ZNF248: variants seen among roughly 807,000 people sequenced by gnomAD.
The protein encoded by ZNF248 is zinc finger protein 248, also known as KRAB protein domain.
A neutral mutation model predicts 44.3 loss-of-function variants in ZNF248; 20 were observed. The ratio of observed to expected loss-of-function variants is 0.45; its 90% CI spans 0.32 to 0.66. ZNF248 has a LOEUF of 0.66. Ranked by LOEUF, ZNF248 falls within the 30% of genes least tolerant of loss-of-function variation. The pLI is 0.04. For synonymous variants in ZNF248, 224 were observed against 229.0 expected, an observed-to-expected ratio of 0.98 and a Z score of 0.20; for missense variants, 654 against 677.0, an observed-to-expected ratio of 0.97 and a Z score of 0.38.
chr10:37,807,048 G>C (rs898674236), intron 6 of ZNF248, among the ~76,000 whole-genome samples: 2 of 151,656 alleles, frequency 1.3e-5, no homozygotes, highest in Non-Finnish European at 2.9e-5. Flanking sequence ...CAGTGGCCCG[G>C]TCTCTGCTCA....
the ZNF248 span, among the ~76,000 whole-genome samples, chr10:37,771,130 T>C: frequency 4.9e-4 from 75 of 152,190 alleles, no homozygotes; most frequent in Non-Finnish European, 8.5e-4. Context: ...CAACAGGTGC[T>C]GGAGAAGATG....
intron 3 of ZNF248, among the ~76,000 whole-genome samples, chr10:37,839,220 C>T (rs1490333509): frequency 6.6e-6 from 1 of 152,150 alleles, no homozygotes; most frequent in Non-Finnish European, 1.5e-5. Flanking sequence ...ATTTTACGTG[C>T]GTTGTCACAT....
intron 6 of ZNF248, among the ~76,000 whole-genome samples, chr10:37,785,897 G>T (rs1589050882): frequency 6.6e-6 from 1 of 152,212 alleles, no homozygotes; most frequent in African/African-American, 2.4e-5. Context: ...AAAGAAGAAG[G>T]GGGTTGGATA....
the ZNF248 span, among the ~76,000 whole-genome samples, chr10:37,762,930 G>A: frequency 6.6e-6 from 1 of 152,118 alleles, no homozygotes; most frequent in Non-Finnish European, 1.5e-5. Flanking sequence ...CATTTTTCAT[G>A]TAAATAATTA....
Position 37,832,393 on chromosome 10 carries a change from C to T in ZNF248, c.962G>A (p.Arg321Lys). The T allele has an allele frequency of 7.4e-6, 12 of 1,613,990 alleles. No individual in the cohort carries two copies. The highest frequency in any genetic ancestry group is 1.0e-5 in the Non-Finnish European group (12 of 1,179,942). ...AFIIHQGAYT[R>K]KILREYKVSD... ...CACTTTATATTCACGGAGAATCTTT[C>T]TTGTGTAAGCTCCCTGATGGATAAT... is the stretch of plus-strand genomic sequence containing the variant. Residue 321 changes from arginine (R) to lysine (K), a missense_variant, in exon 6 of 6, where the codon AGA becomes AAA. Transcript: ENST00000395867.
intron 6 of ZNF248, among the ~76,000 whole-genome samples, chr10:37,796,950 T>G (rs986617720): frequency 7.6e-6 from 1 of 131,430 alleles, no homozygotes; most frequent in Non-Finnish European, 1.8e-5. Flanking sequence ...ACAAATATAG[T>G]TTTTTTTTTC....
intron 6 of ZNF248, among the ~76,000 whole-genome samples, chr10:37,788,092 A>G (rs915336286): frequency 1.3e-5 from 2 of 150,276 alleles, no homozygotes; most frequent in South Asian, 2.1e-4. Flanking sequence ...AACATGGTAA[A>G]ACCCCATCTC....
chr10:37,824,391 G>A (rs1467746728), downstream of ZNF248, among the ~76,000 whole-genome samples: 1 of 152,042 alleles, frequency 6.6e-6, no homozygotes, highest in African/African-American at 2.4e-5. Flanking sequence ...GTTAGACCAA[G>A]CATCTGGGCA....
At chr10:37,767,122 G>A in the ZNF248 span, among the ~76,000 whole-genome samples, 20 of 152,084 alleles carry the variant, frequency 1.3e-4, no homozygotes, top group Non-Finnish European at 7.4e-5. Context: ...TATGGGACTA[G>A]GTGAAAAGAC....
At chr10:37,848,798 C>A (rs2059750268) in intron 3 of ZNF248, among the ~76,000 whole-genome samples, 1 of 152,164 alleles carries the variant, frequency 6.6e-6, no homozygotes, top group South Asian at 2.1e-4. Flanking sequence ...AATTCATCTA[C>A]AATCCTTGAA....
intron 6 of ZNF248, among the ~76,000 whole-genome samples, chr10:37,809,154 G>A (rs917490726): frequency 7.9e-5 from 12 of 152,026 alleles, no homozygotes; most frequent in Non-Finnish European, 2.9e-5. Flanking sequence ...TTTTGTTGTT[G>A]ATCTTTTCAA....
At chr10:37,793,200 T>C (rs1030271231) in intron 6 of ZNF248, among the ~76,000 whole-genome samples, 2 of 151,942 alleles carry the variant, frequency 1.3e-5, no homozygotes, top group African/African-American at 4.8e-5. Context: ...CCAGGCATGG[T>C]GGCACATGCC....
intron 6 of ZNF248, among the ~76,000 whole-genome samples, chr10:37,805,104 CA>C (rs2050374430): frequency 6.6e-6 from 1 of 152,046 alleles, no homozygotes; most frequent in Non-Finnish European, 1.5e-5. Context: ...TTTGTATTTT[CA>C]AAGATGTCGG....
chr10:37,819,865 T>C, intron 6 of ZNF248: 1 of 785,048 alleles, frequency 1.3e-6, no homozygotes, highest in Non-Finnish European at 2.4e-6. Flanking sequence ...CCTCTGTGAA[T>C]TTATCCTTTT....
chr10:37,836,000 T>C (rs1209864438), intron 5 of ZNF248, among the ~76,000 whole-genome samples: 1 of 152,190 alleles, frequency 6.6e-6, no homozygotes, highest in African/African-American at 2.4e-5. Context: ...CTCTCTAATT[T>C]TTCTCTGTCT....
At chr10:37,786,400 T>A (rs1249239368) in intron 6 of ZNF248, among the ~76,000 whole-genome samples, 1 of 152,128 alleles carries the variant, frequency 6.6e-6, no homozygotes, top group Non-Finnish European at 1.5e-5. Flanking sequence ...AGCAGGGAAG[T>A]AATGTGGAAT....
rs2055412750 is a variant in ZNF248, at chr10:37,830,790, C to T, written c.*825G>A. 1 of 207,528 alleles carries T rather than the reference C, an allele frequency of 4.8e-6. No individual in the cohort carries two copies. Among genetic ancestry groups the T allele is most frequent in the South Asian group, 1.6e-4 (1 of 6,410 alleles). The allele number at this position is 207,528 out of a possible 1,614,324, so 12.9% of individuals were successfully genotyped here. A position where few individuals can be genotyped will look rare whatever the true frequency, so the allele number is the denominator to read the frequency against. On this transcript the variant is annotated 3_prime_UTR_variant, in exon 6 of 6. Coordinates refer to ENST00000395867, the MANE Select transcript of ZNF248 (RefSeq NM_021045.3). Reference sequence around the variant, plus strand: ...GCACACTATTATACAGTATTTTCATCATACAGATTAAATAAGTAAAACAGC... The same window carrying T: ...GCACACTATTATACAGTATTTTCATTATACAGATTAAATAAGTAAAACAGC...
At chr10:37,764,162 C>G in the ZNF248 span, among the ~76,000 whole-genome samples, 1 of 152,182 alleles carries the variant, frequency 6.6e-6, no homozygotes, top group Non-Finnish European at 1.5e-5. Flanking sequence ...CAGCAAGGAA[C>G]AGCCCTGAGA....
the ZNF248 span, among the ~76,000 whole-genome samples, chr10:37,768,663 A>G: frequency 6.6e-6 from 1 of 152,202 alleles, no homozygotes; most frequent in African/African-American, 2.4e-5. Flanking sequence ...CCGACAAGAG[A>G]AAGGAGGAAA....
Sources: allele counts gnomAD v4.1 joint callset (sites outside exome capture counted in the v4.1 genomes callset), GRCh38; gene constraint gnomAD v4.1.1; transcripts MANE v1.5; gene names NCBI Gene and HGNC (gene_info 2026-07-23, HGNC 2026-07-21).